RCBTB1: variants seen among roughly 807,000 people sequenced by gnomAD.
RCBTB1 encodes the protein RCC1 and BTB domain containing protein 1.
In RCBTB1, 46 loss-of-function variants were observed where a neutral mutation model predicts 62.4. The observed-to-expected ratio is 0.74, with a 90% CI of 0.58 to 0.94. The LOEUF (loss-of-function observed/expected upper bound fraction) is 0.94. Ranked by LOEUF, RCBTB1 falls within the 40% of genes least tolerant of loss-of-function variation. The pLI is 0.00. For missense variants in RCBTB1, 565 were observed against 654.9 expected (o/e 0.86, Z 1.50); for synonymous variants, 222 against 245.8 (o/e 0.90, Z 0.91).
At chr13:49,547,148 A>G (rs1960852871) in intron 9 of RCBTB1, 1 of 1,268,744 alleles carries the variant, frequency 7.9e-7, no homozygotes, top group African/African-American at 1.6e-5. Flanking sequence ...CAGTGAACCA[A>G]TTATTTTCCA....
At chr13:49,556,603 C>T (rs1041991743) in intron 5 of RCBTB1, among the ~76,000 whole-genome samples, 2 of 152,112 alleles carry the variant, frequency 1.3e-5, no homozygotes, top group Non-Finnish European at 2.9e-5. Flanking sequence ...AGCCCCCGCT[C>T]CCCACCCTGC....
At chr13:49,546,567 G>A (rs1960801568) in intron 9 of RCBTB1, among the ~76,000 whole-genome samples, 1 of 152,204 alleles carries the variant, frequency 6.6e-6, no homozygotes, top group Non-Finnish European at 1.5e-5. Context: ...TCACCATAAT[G>A]TAGAATCAGT....
At chr13:49,566,291 TAAATAAATAAATA>T (rs761667719) in intron 4 of RCBTB1, among the ~76,000 whole-genome samples, 36,700 of 151,246 alleles carry the variant, frequency 0.24, 5,819 homozygotes, top group African/African-American at 0.44. Context: ...AATAAATAAA[TAAATAAATAAATA>T]AAAAAGTTGC....
At chr13:49,551,146 G>A (rs61961360) in intron 8 of RCBTB1, 180 bp downstream of exon 8, 24,839 of 575,726 alleles carry the variant, frequency 0.043, 745 homozygotes, top group Non-Finnish European at 0.054. Flanking sequence ...GAAGGGGGAA[G>A]GGGGAAGCAG....
At position 49,532,388 on chromosome 13, in the gene RCBTB1, C is replaced by T. The variant is rs1959626132; in HGVS notation, c.*1734G>A. On this transcript the variant is annotated 3_prime_UTR_variant, in exon 13 of 13. Transcript: ENST00000378302. The stretch of plus-strand genomic sequence containing the variant: ...TGTGCTTTTTTTGAAAAAAAGTTTT[C>T]AAGTAAGAGCAATAGTAAACATACT... 1 of 143,756 alleles carries T rather than the reference C, an allele frequency of 7.0e-6. No homozygotes were observed. Among genetic ancestry groups the T allele is most frequent in the Admixed American group, 7.3e-5 (1 of 13,702 alleles). 8.9% of individuals were successfully genotyped at this position (143,756 alleles called of 1,614,324 possible). A position where few individuals can be genotyped will look rare whatever the true frequency, so the allele number is the denominator to read the frequency against.
intron 12 of RCBTB1, among the ~76,000 whole-genome samples, chr13:49,537,626 G>A (rs7982964): frequency 0.58 from 88,866 of 152,044 alleles, 27,209 homozygotes; most frequent in Non-Finnish European, 0.69. Context: ...ATACTTCCCA[G>A]CTGTTTCTCT....
At chr13:49,552,054 T>C (rs1309715991) in intron 7 of RCBTB1, 124 bp downstream of exon 7, 4 of 708,344 alleles carry the variant, frequency 5.6e-6, no homozygotes, top group African/African-American at 1.8e-5. Context: ...ATATTAAATA[T>C]GGAAGATGAA....
intron 8 of RCBTB1, chr13:49,550,590 A>G (rs1594278015): frequency 8.3e-6 from 2 of 241,522 alleles, no homozygotes; most frequent in African/African-American, 4.6e-5. Flanking sequence ...AGATTTATTT[A>G]AAAGTTGTTT....
chr13:49,547,730 G>A (rs1960931413), intron 9 of RCBTB1, among the ~76,000 whole-genome samples: 1 of 152,108 alleles, frequency 6.6e-6, no homozygotes, highest in African/African-American at 2.4e-5. Context: ...GAAATCAGTT[G>A]AAAGACAAAG....
rs536489181 is a variant in RCBTB1, at chr13:49,533,890, C to A, written c.*232G>T. The A allele has an allele frequency of 2.7e-4, 101 of 380,744 alleles. No homozygotes were observed. The highest frequency in any genetic ancestry group is 1.8e-3 in the African/African-American group (85 of 48,154). 23.6% of individuals were successfully genotyped at this position (380,744 alleles called of 1,614,324 possible). On this transcript the variant is annotated 3_prime_UTR_variant, in exon 13 of 13. Transcript: ENST00000378302. ...TTTTACATGTTCCAGCCCAAATTTACGAAAGGTCACATTTAAAATACACTT... is the reference window on the plus strand; with the variant it reads ...TTTTACATGTTCCAGCCCAAATTTAAGAAAGGTCACATTTAAAATACACTT...
intron 12 of RCBTB1, 144 bp downstream of exon 12, chr13:49,540,732 C>G: frequency 2.5e-6 from 2 of 785,388 alleles, no homozygotes; most frequent in South Asian, 4.4e-5. Flanking sequence ...GAAGCAAGGG[C>G]AGATTTCAGT....
At chr13:49,562,265 A>G (rs962479675) in intron 4 of RCBTB1, among the ~76,000 whole-genome samples, 2 of 152,178 alleles carry the variant, frequency 1.3e-5, no homozygotes, top group African/African-American at 2.4e-5. Flanking sequence ...AAAATTTGAC[A>G]TAAGCGTTGT....
intron 4 of RCBTB1, among the ~76,000 whole-genome samples, chr13:49,564,921 C>T (rs1292465870): frequency 6.6e-6 from 1 of 151,886 alleles, no homozygotes; most frequent in Non-Finnish European, 1.5e-5. Flanking sequence ...AAAAGAAAAA[C>T]GTACCAAAGG....
At chr13:49,555,364 C>G in intron 6 of RCBTB1, 151 bp downstream of exon 6, 1 of 661,028 alleles carries the variant, frequency 1.5e-6, no homozygotes, top group Non-Finnish European at 2.6e-6. Context: ...AAAAAACCTC[C>G]AGCTCCTCAG....
chr13:49,578,863 G>T (rs1963935455), intron 2 of RCBTB1, among the ~76,000 whole-genome samples: 1 of 152,154 alleles, frequency 6.6e-6, no homozygotes, highest in Non-Finnish European at 1.5e-5. Context: ...ACAAAAGATT[G>T]AAGGGTATGA....
intron 3 of RCBTB1, 88 bp downstream of exon 3, chr13:49,567,066 C>T (rs967847411): frequency 2.4e-5 from 30 of 1,245,978 alleles, no homozygotes; most frequent in Middle Eastern, 4.8e-4. Context: ...ATTTATACCC[C>T]GCCTTTTCTC....
At position 49,541,701 on chromosome 13, in the gene RCBTB1, G is replaced by T; in HGVS notation, c.1299C>A (p.Val433=). ...CTATAGCATCTTCTGGCGGCAGGTC[G>T]ACTGTGTCTGTGTAGAGGTACTGGA... ...AFLQYLYTDT[V]DLPPEDAIGL... Residue 433 remains valine, a synonymous_variant, in exon 11 of 13, where the codon GTC becomes GTA. Coordinates refer to ENST00000378302, the MANE Select transcript of RCBTB1 (RefSeq NM_018191.4). 1 of 1,612,762 alleles carries T rather than the reference G, an allele frequency of 6.2e-7. No homozygotes were observed. The highest frequency in any genetic ancestry group is 8.5e-7 in the Non-Finnish European group (1 of 1,179,598).
At chr13:49,551,295 A>G (rs1412420543) in intron 8 of RCBTB1, 31 bp downstream of exon 8, 1 of 1,610,684 alleles carries the variant, frequency 6.2e-7, no homozygotes, top group Non-Finnish European at 8.5e-7. Flanking sequence ...CATCGCACAC[A>G]CAGTCCCAAG....
intron 1 of RCBTB1, among the ~76,000 whole-genome samples, chr13:49,583,380 T>TTGTGTA (rs777850446): frequency 1.0e-5 from 1 of 97,888 alleles, no homozygotes; most frequent in Non-Finnish European, 2.1e-5. Flanking sequence ...AAGTGTGCTT[T>TTGTGTA]TGTGTATGTG....
Sources: gnomAD v4.1 joint callset for allele counts (sites outside exome capture counted in the v4.1 genomes callset) on GRCh38, gnomAD v4.1.1 for gene constraint, MANE v1.5 for transcripts, NCBI Gene and HGNC (gene_info 2026-07-23, HGNC 2026-07-21) for gene names.